The following NRCAM variants were observed in gnomAD, a reference collection of about 807,000 sequenced individuals.
NRCAM encodes the protein neuronal cell adhesion molecule.
In NRCAM, 83 loss-of-function variants were observed where a neutral mutation model predicts 156.5. That is an observed-to-expected ratio of 0.53 (90% confidence interval 0.44 to 0.64). The LOEUF is 0.64. Among genes scored for constraint, NRCAM ranks in the 30% least tolerant of loss-of-function variants. The pLI is 0.00. For synonymous variants in NRCAM, 538 were observed against 563.9 expected (o/e 0.95, Z 0.65); for missense variants, 1,417 against 1,597.3 (o/e 0.89, Z 1.92).
rs1334138257 is a variant in NRCAM, at chr7:108,194,097, C to G, written c.1705G>C (p.Val569Leu). 1 of 1,614,070 alleles carries G rather than the reference C, an allele frequency of 6.2e-7. No individual in the cohort carries two copies. Among genetic ancestry groups the G allele is most frequent in the African/African-American group, 1.3e-5 (1 of 74,948 alleles). The change falls in exon 17 of 33, where the codon GTG (valine) becomes CTG (leucine). Residue 569 changes from valine to leucine, a missense_variant. Val to Leu is a conservative substitution (Grantham distance 32, BLOSUM62 1). Coordinates refer to ENST00000379028, the MANE Select transcript of NRCAM (RefSeq NM_001037132.4). ...RGSMVSFECKVKHDHTLSLTV... is the reference protein window; with the variant it reads ...RGSMVSFECKLKHDHTLSLTV... ...AGGGATAAGGTGTGATCATGTTTCA[C>G]TTTGCATTCAAAGGACACCATGCTC...
At chr7:108,438,250 C>T (rs1382794050) in intron 1 of NRCAM, among the ~76,000 whole-genome samples, 1 of 151,918 alleles carries the variant, frequency 6.6e-6, no homozygotes, top group Non-Finnish European at 1.5e-5. Flanking sequence ...TATCAACATC[C>T]CTAAGGAACA....
intron 2 of NRCAM, among the ~76,000 whole-genome samples, chr7:108,329,046 G>A (rs2099100357): frequency 6.6e-6 from 1 of 152,066 alleles, no homozygotes; most frequent in Non-Finnish European, 1.5e-5. Flanking sequence ...ATTTGATTCA[G>A]TTAATTTAAG....
In NRCAM at chr7:108,149,810, T is replaced by C. The variant is rs553636638; in HGVS notation, c.*100A>G. 3.9e-5 allele frequency: 36 copies of C among 914,458 alleles called. No individual in the cohort carries two copies. The highest frequency in any genetic ancestry group is 6.0e-5 in the Non-Finnish European group (35 of 586,986). The allele number at this position is 914,458 out of a possible 1,614,324, so 56.6% of individuals were successfully genotyped here. A position where few individuals can be genotyped will look rare whatever the true frequency, so the allele number is the denominator to read the frequency against. On this transcript the variant is annotated 3_prime_UTR_variant, in exon 33 of 33. Coordinates refer to ENST00000379028, the MANE Select transcript of NRCAM (RefSeq NM_001037132.4). ...CATAATACTAACATACAGCAGAAAA[T>C]ATACTCTCTACCCATATGTTCATAG...
chr7:108,152,233 A>C, intron 32 of NRCAM, among the ~76,000 whole-genome samples: 1 of 152,178 alleles, frequency 6.6e-6, no homozygotes, highest in East Asian at 1.9e-4. Context: ...GCATTTAATA[A>C]GATGTCCAGG....
In NRCAM at chr7:108,271,309, T is replaced by C. The variant is rs137978982; in HGVS notation, c.-106-31139A>G. Among the ~76,000 whole-genome samples the C allele has an allele frequency of 6.6e-3, 1,002 of 151,956 alleles. 11 individuals are homozygous for C. The highest frequency in any genetic ancestry group is 0.023 in the African/African-American group (966 of 41,410). On this transcript the variant is annotated intron_variant, in intron 3 of 32. Transcript: ENST00000379028. ...AAAAGAGGCTCTTAAAAGGAAAAAA[T>C]AGTCTTCTGCTAGGACACGATGGAT... is the stretch of plus-strand genomic sequence containing the variant.
intron 3 of NRCAM, among the ~76,000 whole-genome samples, chr7:108,297,123 A>G (rs147887296): frequency 2.7e-3 from 408 of 152,322 alleles, no homozygotes; most frequent in Non-Finnish European, 4.7e-3. Flanking sequence ...CAACCCCACA[A>G]AGCCTGTGTT....
intron 1 of NRCAM, among the ~76,000 whole-genome samples, chr7:108,422,860 A>G (rs1332305200): frequency 6.6e-6 from 1 of 152,152 alleles, no homozygotes; most frequent in Non-Finnish European, 1.5e-5. Context: ...TGAAAGAGTT[A>G]CCCTTTCCCA....
At chr7:108,278,436 C>T (rs2097727136) in intron 3 of NRCAM, among the ~76,000 whole-genome samples, 1 of 152,200 alleles carries the variant, frequency 6.6e-6, no homozygotes, top group Non-Finnish European at 1.5e-5. Context: ...ACGGTGAGCA[C>T]AGAACCAGCT....
At chr7:108,341,458 G>C (rs2099276394) in intron 2 of NRCAM, among the ~76,000 whole-genome samples, 1 of 152,182 alleles carries the variant, frequency 6.6e-6, no homozygotes, top group Non-Finnish European at 1.5e-5. Flanking sequence ...TGTGACTGGG[G>C]AACTTTACTC....
intron 3 of NRCAM, among the ~76,000 whole-genome samples, chr7:108,247,991 G>A (rs888699993): frequency 4.6e-5 from 7 of 152,212 alleles, no homozygotes; most frequent in African/African-American, 1.7e-4. Flanking sequence ...TGCTCTAAAA[G>A]TGAGGTCTGA....
At chr7:108,155,515 C>T (rs1368442488) in intron 32 of NRCAM, among the ~76,000 whole-genome samples, 1 of 152,060 alleles carries the variant, frequency 6.6e-6, no homozygotes, top group Non-Finnish European at 1.5e-5. Context: ...CCTGGGAAGA[C>T]TCCCTGTACC....
chr7:108,222,760 G>A (rs1040960747), intron 11 of NRCAM, among the ~76,000 whole-genome samples: 1 of 152,144 alleles, frequency 6.6e-6, no homozygotes, highest in African/African-American at 2.4e-5. Context: ...AAGGACAGCA[G>A]GGATCACATG....
chr7:108,369,915 A>G (rs1407757133), intron 2 of NRCAM, among the ~76,000 whole-genome samples: 1 of 152,164 alleles, frequency 6.6e-6, no homozygotes, highest in Admixed American at 6.6e-5. Flanking sequence ...TATCTGATAA[A>G]CAAAATAATA....
At chr7:108,390,750 C>T (rs1596156662) in intron 2 of NRCAM, among the ~76,000 whole-genome samples, 1 of 152,280 alleles carries the variant, frequency 6.6e-6, no homozygotes, top group African/African-American at 2.4e-5. Context: ...TTAAATGTGT[C>T]CCAGAGATTC....
rs1183206134 is a variant in NRCAM, at chr7:108,446,058, G to A, written c.-332+10185C>T. ...AGTGTGCAGCCACCCAGAGACCTCC[G>A]GAGGAAAATGACAAGCACCAGCTTC... On this transcript the variant is annotated intron_variant, in intron 1 of 32. Coordinates refer to ENST00000379028, the MANE Select transcript of NRCAM (RefSeq NM_001037132.4). 4.6e-5 allele frequency among the ~76,000 whole-genome samples: 7 copies of A among 152,260 alleles called. No homozygotes were observed. The South Asian group carries it at 1.2e-3, about 27-fold the overall frequency.
chr7:108,305,229 C>G (rs1022994023), intron 3 of NRCAM, among the ~76,000 whole-genome samples: 1 of 152,086 alleles, frequency 6.6e-6, no homozygotes, highest in African/African-American at 2.4e-5. Context: ...CAAATCAAAT[C>G]GATTTGAAGA....
intron 2 of NRCAM, among the ~76,000 whole-genome samples, chr7:108,340,787 CCT>C (rs1229908821): frequency 6.6e-6 from 1 of 152,172 alleles, no homozygotes; most frequent in Non-Finnish European, 1.5e-5. Context: ...AGAAAGCATA[CCT>C]CTCTGTCACC....
chr7:108,420,476 T>C (rs1015405081), intron 1 of NRCAM, among the ~76,000 whole-genome samples: 1 of 152,210 alleles, frequency 6.6e-6, no homozygotes, highest in Non-Finnish European at 1.5e-5. Context: ...CTTATCCACA[T>C]TTCTTCTAGC....
Position 108,225,668 on chromosome 7 carries a change from A to C in NRCAM, c.755T>G (p.Leu252Trp). 1 of 1,600,344 alleles carries C rather than the reference A, an allele frequency of 6.2e-7. No homozygotes were observed. ...DELNDTIAAN[L>W]SDTEFYGAKS... ...ACCACCATAAAACTCAGTGTCACTC[A>C]AATTAGCAGCTATAGTGTCATTCAA... The change falls in exon 10 of 33, where the codon TTG (leucine) becomes TGG (tryptophan). Residue 252 changes from leucine to tryptophan, a missense_variant. By Grantham distance (61) the Leu-to-Trp change is moderately conservative. Transcript: ENST00000379028.
Sources: allele counts gnomAD v4.1 joint callset (sites outside exome capture counted in the v4.1 genomes callset), GRCh38; gene constraint gnomAD v4.1.1; transcripts MANE v1.5; gene names NCBI Gene and HGNC (gene_info 2026-07-23, HGNC 2026-07-21).